The following RALGAPA2 variants were observed in gnomAD, a reference collection of about 807,000 sequenced individuals.
RALGAPA2 encodes ral GTPase-activating protein subunit alpha-2.
RALGAPA2 carries 139 observed loss-of-function variants against 230.4 expected under a neutral mutation model. The ratio of observed to expected loss-of-function variants is 0.60; its 90% CI spans 0.53 to 0.69. RALGAPA2 has a LOEUF of 0.69. RALGAPA2 is among the 30% of genes least tolerant of loss of function. The pLI is 0.00. For missense variants in RALGAPA2, 2,163 were observed against 2,276.0 expected (o/e 0.95, Z 1.01); for synonymous variants, 847 against 837.8 (o/e 1.01, Z -0.19).
chr20:20,499,592 G>A (rs763792208), intron 35 of RALGAPA2, among the ~76,000 whole-genome samples: 1 of 152,160 alleles, frequency 6.6e-6, no homozygotes, highest in Admixed American at 6.5e-5. Flanking sequence ...CTACAGCCAG[G>A]GGCAGCCATC....
chr20:20,515,726 C>T (rs2062850160), intron 31 of RALGAPA2, among the ~76,000 whole-genome samples: 1 of 152,174 alleles, frequency 6.6e-6, no homozygotes, highest in Non-Finnish European at 1.5e-5. Context: ...CACAGGGGAC[C>T]TTGGGGAAGC....
At chr20:20,650,756 G>A (rs992825986) in intron 4 of RALGAPA2, among the ~76,000 whole-genome samples, 3 of 152,096 alleles carry the variant, frequency 2.0e-5, no homozygotes, top group African/African-American at 7.2e-5. Context: ...TTTCCCTATA[G>A]TTTCTAAGTT....
Position 20,513,275 on chromosome 20 carries a change from CTCT to C in RALGAPA2, c.4091_4093del (p.Lys1364del), listed in dbSNP as rs1204775491. The C allele has an allele frequency of 6.8e-6, 10 of 1,459,984 alleles. No individual in the cohort carries two copies. The African/African-American group carries it at 9.9e-5, about 14-fold the overall frequency. The allele number at this position is 1,459,984 out of a possible 1,614,324, so 90.4% of individuals were successfully genotyped here. ...CAAAGGGATCAACTCCAAACTTCTT[CTCT>C]TCTTCTCTGTAAACAGCGGTAAAGA... On this transcript the variant is annotated inframe_deletion, in exon 32 of 40. Coordinates refer to ENST00000202677, the MANE Select transcript of RALGAPA2 (RefSeq NM_020343.4).
At chr20:20,698,227 A>C (rs1170983491) in intron 1 of RALGAPA2, among the ~76,000 whole-genome samples, 1 of 151,966 alleles carries the variant, frequency 6.6e-6, no homozygotes, top group Non-Finnish European at 1.5e-5. Flanking sequence ...CAGTTGCAAA[A>C]TGCTGTTAAT....
At chr20:20,417,519 C>T (rs2060190649) in intron 37 of RALGAPA2, among the ~76,000 whole-genome samples, 1 of 152,176 alleles carries the variant, frequency 6.6e-6, no homozygotes. Context: ...ATTTACTGCT[C>T]TCCTGGATAA....
chr20:20,453,761 A>G (rs919508415), intron 37 of RALGAPA2, among the ~76,000 whole-genome samples: 23 of 152,144 alleles, frequency 1.5e-4, no homozygotes, highest in African/African-American at 5.6e-4. Context: ...CGGGCCTTCC[A>G]TTTGTGCACC....
intron 37 of RALGAPA2, among the ~76,000 whole-genome samples, chr20:20,445,803 A>G (rs1244179688): frequency 6.6e-6 from 1 of 152,218 alleles, no homozygotes; most frequent in Non-Finnish European, 1.5e-5. Flanking sequence ...AAGAAGTATA[A>G]TCTTAAAAAG....
intron 15 of RALGAPA2, among the ~76,000 whole-genome samples, chr20:20,602,394 T>G (rs1003325473): frequency 6.6e-6 from 1 of 152,226 alleles, no homozygotes; most frequent in African/African-American, 2.4e-5. Flanking sequence ...AATAAAACAT[T>G]GTAGTCTGAG....
At chr20:20,500,379 T>C (rs573528232) in intron 35 of RALGAPA2, among the ~76,000 whole-genome samples, 2 of 152,360 alleles carry the variant, frequency 1.3e-5, no homozygotes, top group Non-Finnish European at 2.9e-5. Flanking sequence ...TATGGAATAT[T>C]CTAAATCTTT....
chr20:20,675,776 T>TTA (rs763879901), intron 3 of RALGAPA2, among the ~76,000 whole-genome samples: 15 of 152,188 alleles, frequency 9.9e-5, no homozygotes, highest in Non-Finnish European at 2.1e-4. Flanking sequence ...CATGTCAGAT[T>TTA]TATATATATA....
At chr20:20,637,183 T>A (rs1482375543) in intron 8 of RALGAPA2, among the ~76,000 whole-genome samples, 180 bp downstream of exon 8, 1 of 152,226 alleles carries the variant, frequency 6.6e-6, no homozygotes, top group African/African-American at 2.4e-5. Context: ...GAGGTATATC[T>A]TAGTTGGTAC....
At chr20:20,443,350 A>G (rs1488863122) in intron 37 of RALGAPA2, among the ~76,000 whole-genome samples, 1 of 152,154 alleles carries the variant, frequency 6.6e-6, no homozygotes, top group African/African-American at 2.4e-5. Flanking sequence ...AATGGCTTCA[A>G]ACTGAGATAG....
chr20:20,455,960 T>C (rs1234466479), intron 37 of RALGAPA2, among the ~76,000 whole-genome samples: 3 of 152,120 alleles, frequency 2.0e-5, no homozygotes, highest in South Asian at 4.1e-4. Flanking sequence ...CAAGTTAAAG[T>C]GAAAATAAGG....
At chr20:20,479,993 A>T (rs916831504) in intron 36 of RALGAPA2, among the ~76,000 whole-genome samples, 4 of 152,258 alleles carry the variant, frequency 2.6e-5, no homozygotes, top group African/African-American at 9.6e-5. Context: ...TTAGAAAAGG[A>T]AATATTATTT....
intron 37 of RALGAPA2, among the ~76,000 whole-genome samples, chr20:20,431,674 T>C (rs1005075872): frequency 3.3e-5 from 5 of 152,164 alleles, no homozygotes; most frequent in Admixed American, 6.5e-5. Flanking sequence ...GATTTCAAAA[T>C]TGCAAAGGGA....
chr20:20,591,105 AAT>A, intron 17 of RALGAPA2, 70 bp downstream of exon 17: 1 of 1,517,336 alleles, frequency 6.6e-7, no homozygotes, highest in Non-Finnish European at 9.0e-7. Flanking sequence ...TGTACAAAGC[AAT>A]ACTATATGCA....
At chr20:20,602,015 T>C (rs1429861523) in intron 15 of RALGAPA2, among the ~76,000 whole-genome samples, 169 bp from the exon 16 acceptor site, 2 of 152,262 alleles carry the variant, frequency 1.3e-5, no homozygotes, top group Non-Finnish European at 2.9e-5. Flanking sequence ...TGCTCATATG[T>C]CACTAATTTA....
chr20:20,410,382 AT>A (rs1243434941), intron 38 of RALGAPA2, among the ~76,000 whole-genome samples: 1 of 152,188 alleles, frequency 6.6e-6, no homozygotes, highest in Non-Finnish European at 1.5e-5. Flanking sequence ...TCTAGTTATT[AT>A]TTACGTGTTT....
intron 15 of RALGAPA2, among the ~76,000 whole-genome samples, 155 bp downstream of exon 15, chr20:20,605,020 A>G (rs144395469): frequency 4.6e-5 from 7 of 152,368 alleles, no homozygotes; most frequent in African/African-American, 1.7e-4. Context: ...AGGGAACAGA[A>G]TGATATGAGA....
Sources: allele counts gnomAD v4.1 joint callset (sites outside exome capture counted in the v4.1 genomes callset), GRCh38; gene constraint gnomAD v4.1.1; transcripts MANE v1.5; gene names NCBI Gene and HGNC (gene_info 2026-07-23, HGNC 2026-07-21).